The following CFAP161 variants were observed in gnomAD, a reference collection of about 807,000 sequenced individuals.
CFAP161 encodes the protein cilia and flagella associated protein 161.
Under a neutral mutation model 29.0 loss-of-function variants are expected in CFAP161, and 25 were observed. The observed-to-expected ratio is 0.86, with a 90% CI of 0.63 to 1.20. The LOEUF (loss-of-function observed/expected upper bound fraction) is 1.20, where lower values mean the gene tolerates loss of function less well. Among genes scored for constraint, CFAP161 ranks in the 50% most tolerant of loss-of-function variants. The probability of loss-of-function intolerance (pLI) is 0.00; values close to 1 mark genes in which losing one functional copy is unlikely to be tolerated. For synonymous variants in CFAP161, 116 were observed against 137.4 expected, an observed-to-expected ratio of 0.84 and a Z score of 1.09; for missense variants, 367 against 371.9, an observed-to-expected ratio of 0.99 and a Z score of 0.11.
At chr15:81,138,246 C>T in intron 4 of CFAP161, 111 bp downstream of exon 4, 1 of 851,158 alleles carries the variant, frequency 1.2e-6, no homozygotes, top group Admixed American at 2.1e-5. Flanking sequence ...TGGGCTCCAC[C>T]TCTGACTTCA....
chr15:81,145,040 G>A, intron 5 of CFAP161, among the ~76,000 whole-genome samples: 1 of 152,154 alleles, frequency 6.6e-6, no homozygotes, highest in Admixed American at 6.5e-5. Flanking sequence ...TGCTCACGAG[G>A]CATCCAGCAG....
chr15:81,139,556 A>T (rs1393796204), intron 4 of CFAP161, among the ~76,000 whole-genome samples: 3 of 152,196 alleles, frequency 2.0e-5, no homozygotes, highest in African/African-American at 7.2e-5. Context: ...AGCTTTTTAA[A>T]ATGACGAAAT....
At chr15:81,112,550 G>A (rs1666347056) in intron 1 of CFAP161, among the ~76,000 whole-genome samples, 2 of 152,146 alleles carry the variant, frequency 1.3e-5, no homozygotes, top group Admixed American at 1.3e-4. Context: ...AAAGCAAGTG[G>A]ATAATGAACA....
chr15:81,117,473 G>A (rs1894513531), intron 1 of CFAP161, among the ~76,000 whole-genome samples: 1 of 151,776 alleles, frequency 6.6e-6, no homozygotes, highest in African/African-American at 2.4e-5. Flanking sequence ...ATGGAGGAAG[G>A]CAGAATGTCA....
intron 5 of CFAP161, among the ~76,000 whole-genome samples, chr15:81,147,318 A>G (rs1895025722): frequency 6.6e-6 from 1 of 151,898 alleles, no homozygotes; most frequent in South Asian, 2.1e-4. Context: ...CACTTTAAAT[A>G]TTGAGGTCCC....
chr15:81,146,858 A>G (rs868502239), intron 5 of CFAP161, among the ~76,000 whole-genome samples: 2 of 69,544 alleles, frequency 2.9e-5, no homozygotes, highest in African/African-American at 1.6e-4. Context: ...ATATATATAT[A>G]TATATATATA....
chr15:81,105,139 CCCT>C (rs1398374143), intron 1 of CFAP161, among the ~76,000 whole-genome samples: 4 of 11,372 alleles, frequency 3.5e-4, no homozygotes, highest in African/African-American at 6.5e-4. Context: ...CTCCCCCCTC[CCCT>C]CCCTCCCTCC....
At chr15:81,142,836 G>T (rs1894934406) in intron 4 of CFAP161, among the ~76,000 whole-genome samples, 1 of 152,156 alleles carries the variant, frequency 6.6e-6, no homozygotes, top group Non-Finnish European at 1.5e-5. Flanking sequence ...GATGGGGGTT[G>T]TTTCCTGGCA....
intron 1 of CFAP161, among the ~76,000 whole-genome samples, chr15:81,105,114 CTCCCCCATA>C (rs1894347970): frequency 2.0e-5 from 1 of 50,992 alleles, no homozygotes; most frequent in African/African-American, 9.3e-5. Flanking sequence ...CCCTTCCTTT[CTCCCCCATA>C]CCTTTCTCCC....
chr15:81,103,742 C>G (rs1050946762), intron 1 of CFAP161, among the ~76,000 whole-genome samples: 4 of 152,182 alleles, frequency 2.6e-5, no homozygotes, highest in Admixed American at 2.0e-4. Flanking sequence ...GGAATCCCAA[C>G]TTGAAGCCAG....
chr15:81,134,088 C>G (rs1349188062), upstream of CFAP161, among the ~76,000 whole-genome samples: 1 of 152,320 alleles, frequency 6.6e-6, no homozygotes, highest in African/African-American at 2.4e-5. Flanking sequence ...CAGGGTTTTC[C>G]CTCTCGCCCA....
intron 1 of CFAP161, among the ~76,000 whole-genome samples, chr15:81,107,480 C>T (rs368808973): frequency 3.4e-4 from 52 of 152,306 alleles, no homozygotes; most frequent in African/African-American, 1.2e-3. Context: ...AATCCCACCA[C>T]TTTGGGAGGC....
intron 1 of CFAP161, among the ~76,000 whole-genome samples, chr15:81,115,445 A>G (rs1429505074): frequency 1.3e-5 from 2 of 152,102 alleles, no homozygotes; most frequent in Admixed American, 1.3e-4. Context: ...TTTTAGCTAC[A>G]TTTGCGTAAA....
upstream of CFAP161, among the ~76,000 whole-genome samples, chr15:81,132,938 T>A (rs1490182687): frequency 6.6e-6 from 1 of 152,056 alleles, no homozygotes; most frequent in East Asian, 1.9e-4. Context: ...TCTAACTGCT[T>A]TGTCCTATGT....
At chr15:81,128,746 G>C (rs937810266) in intron 2 of CFAP161, among the ~76,000 whole-genome samples, 6 of 152,066 alleles carry the variant, frequency 3.9e-5, no homozygotes, top group Non-Finnish European at 8.8e-5. Context: ...TTTCCAGAAA[G>C]TTTTCAATTT....
chr15:81,132,592 G>T (rs1213958968), upstream of CFAP161, among the ~76,000 whole-genome samples: 3 of 151,898 alleles, frequency 2.0e-5, no homozygotes, highest in Non-Finnish European at 2.9e-5. Flanking sequence ...TGTATTATTG[G>T]GTCTATTATA....
At chr15:81,116,898 A>G (rs1211671372) in intron 1 of CFAP161, among the ~76,000 whole-genome samples, 2 of 152,208 alleles carry the variant, frequency 1.3e-5, no homozygotes, top group African/African-American at 4.8e-5. Context: ...ACTTGTAAAC[A>G]ATTCACAAGG....
Position 81,134,307 on chromosome 15 carries a change from CA to C in CFAP161, c.-22del. ...TAACGCATGGTGTCGGAGGGAGGCC[CA>C]CTTGCTGAACAGCAGGGAGCGATGG... On this transcript the variant is annotated 5_prime_UTR_variant, in exon 1 of 7. Coordinates refer to ENST00000286732, the MANE Select transcript of CFAP161 (RefSeq NM_173528.4). 6.4e-7 allele frequency: 1 copy of C among 1,574,468 alleles called. No homozygotes were observed. Among genetic ancestry groups the C allele is most frequent in the Non-Finnish European group, 8.6e-7 (1 of 1,160,066 alleles).
intron 2 of CFAP161, among the ~76,000 whole-genome samples, 193 bp downstream of exon 2, chr15:81,135,552 T>A (rs1159584948): frequency 1.6e-5 from 2 of 125,840 alleles, no homozygotes; most frequent in African/African-American, 6.1e-5. Context: ...TGTGCGATGT[T>A]CCCCTTCCTG....
Sources: gnomAD v4.1 joint callset for allele counts (sites outside exome capture counted in the v4.1 genomes callset) on GRCh38, gnomAD v4.1.1 for gene constraint, MANE v1.5 for transcripts, NCBI Gene and HGNC (gene_info 2026-07-23, HGNC 2026-07-21) for gene names.